The following MAGI1 variants were observed in gnomAD, a reference collection of about 807,000 sequenced individuals.
MAGI1 encodes membrane associated guanylate kinase, WW and PDZ domain containing 1.
Under a neutral mutation model 139.9 loss-of-function variants are expected in MAGI1, and 58 were observed. The observed-to-expected ratio is 0.41, with a 90% CI of 0.34 to 0.52. MAGI1 has a LOEUF of 0.52. Ranked by LOEUF, MAGI1 falls within the 20% of genes least tolerant of loss-of-function variation. MAGI1 has a pLI of 0.12. For synonymous variants in MAGI1, 812 were observed against 737.9 expected, an observed-to-expected ratio of 1.10 and a Z score of -1.63; for missense variants, 1,874 against 1,901.6, an observed-to-expected ratio of 0.99 and a Z score of 0.27.
intron 1 of MAGI1, among the ~76,000 whole-genome samples, chr3:65,985,600 C>T (rs1258595490): frequency 6.6e-6 from 1 of 152,150 alleles, no homozygotes; most frequent in East Asian, 1.9e-4. Context: ...GGAAATCTCT[C>T]GTCTTTTTTT....
At chr3:65,369,872 T>C (rs1028654067) in intron 18 of MAGI1, among the ~76,000 whole-genome samples, 2 of 152,258 alleles carry the variant, frequency 1.3e-5, no homozygotes, top group East Asian at 1.9e-4. Flanking sequence ...AGTCTCCTTG[T>C]AGATATCATG....
chr3:65,793,068 T>C (rs1473292571), intron 1 of MAGI1, among the ~76,000 whole-genome samples: 2 of 152,160 alleles, frequency 1.3e-5, no homozygotes, highest in Non-Finnish European at 2.9e-5. Context: ...ACCAGCTAAG[T>C]TGAATGTATT....
chr3:66,008,466 C>T (rs933650207), intron 1 of MAGI1, among the ~76,000 whole-genome samples: 1 of 152,210 alleles, frequency 6.6e-6, no homozygotes, highest in Non-Finnish European at 1.5e-5. Context: ...CTGGCAGGCA[C>T]AGCAATGCCC....
Position 65,793,004 on chromosome 3 carries a change from GGAAA to G in MAGI1, c.314-170920_314-170917del, listed in dbSNP as rs1253309650. ...TAGGAGAAATAGGGCATTTGAGTTT[GGAAA>G]ACTGGTTACTCATAAGGCTGAATTC... is the stretch of plus-strand genomic sequence containing the variant. On this transcript the variant is annotated intron_variant, in intron 1 of 22. Transcript: ENST00000402939. 1.9e-3 allele frequency among the ~76,000 whole-genome samples: 286 copies of G among 152,200 alleles called. 1 individual carries two copies. The highest frequency in any genetic ancestry group is 4.9e-3 in the Admixed American group (75 of 15,290).
At chr3:65,683,224 A>T (rs2087719682) in intron 1 of MAGI1, among the ~76,000 whole-genome samples, 1 of 151,942 alleles carries the variant, frequency 6.6e-6, no homozygotes, top group Non-Finnish European at 1.5e-5. Context: ...GTCATTATAA[A>T]TTTATCTAAA....
Position 65,826,321 on chromosome 3 carries a change from G to A in MAGI1, c.314-204233C>T, listed in dbSNP as rs1458909797. Among the ~76,000 whole-genome samples, 4 of 152,124 alleles carry A rather than the reference G, an allele frequency of 2.6e-5. No individual in the cohort carries two copies. In the East Asian group the frequency reaches 7.7e-4, roughly 29 times the overall value. ...AATCAATATTATTATACTGGCATAA[G>A]CATATGCATTTCAATGCCAGTATTA... On this transcript the variant is annotated intron_variant, in intron 1 of 22. Coordinates refer to ENST00000402939, the MANE Select transcript of MAGI1 (RefSeq NM_001033057.2).
intron 1 of MAGI1, among the ~76,000 whole-genome samples, chr3:65,763,589 T>C (rs264086): frequency 1 from 151,482 of 152,164 alleles, 75,407 homozygotes; most frequent in Middle Eastern, 1. Flanking sequence ...AAAAAAATAA[T>C]GTTCCCAAGT....
intron 1 of MAGI1, among the ~76,000 whole-genome samples, chr3:65,839,099 T>C (rs1302964932): frequency 1.3e-5 from 2 of 152,240 alleles, no homozygotes; most frequent in South Asian, 2.1e-4. Context: ...ATGAGTCCTT[T>C]ATTAAGTCAT....
chr3:65,674,084 A>G, intron 1 of MAGI1, among the ~76,000 whole-genome samples: 1 of 152,228 alleles, frequency 6.6e-6, no homozygotes, highest in African/African-American at 2.4e-5. Flanking sequence ...AAAAATACTA[A>G]TAATTTAAGC....
rs749153064 is a variant in MAGI1 at position 65,357,059 on chromosome 3, G to A, written c.3708C>T (p.Arg1236=). The A allele has an allele frequency of 1.5e-4, 248 of 1,614,070 alleles. No homozygotes were observed. Among genetic ancestry groups the A allele is most frequent in the Non-Finnish European group, 2.0e-4 (231 of 1,180,044 alleles). ...TGGACTCCAATGACGGATGCTGCCG[G>A]CGGTCGGGCCCGGCCCTCACTTCCG... is the stretch of plus-strand genomic sequence containing the variant. The part of the protein sequence containing the change: ...GVPEVRAGPD[R]RQHPSLESSY... Residue 1236 remains arginine (R), a synonymous_variant, in exon 23 of 23, where the codon CGC becomes CGT. Coordinates refer to ENST00000402939, the MANE Select transcript of MAGI1 (RefSeq NM_001033057.2).
At chr3:65,810,279 G>C (rs917325483) in intron 1 of MAGI1, among the ~76,000 whole-genome samples, 3 of 152,240 alleles carry the variant, frequency 2.0e-5, no homozygotes, top group African/African-American at 7.2e-5. Flanking sequence ...ATGCCACAGA[G>C]AGAGGCTGCC....
chr3:65,799,774 A>T (rs2040399095), intron 1 of MAGI1, among the ~76,000 whole-genome samples: 1 of 152,192 alleles, frequency 6.6e-6, no homozygotes, highest in East Asian at 1.9e-4. Flanking sequence ...TGTGTTTTTT[A>T]AAAAATATTT....
chr3:65,439,989 T>C lies in MAGI1; in HGVS notation c.1160A>G (p.Tyr387Cys). The C allele has an allele frequency of 1.9e-6, 3 of 1,614,106 alleles. No homozygotes were observed. The highest frequency in any genetic ancestry group is 2.5e-6 in the Non-Finnish European group (3 of 1,179,990). ...YVDHINRKTQ[Y>C]ENPVLEAKRK... ...TTTGGCTTCTAGAACCGGGTTCTCATATTGTGTCTTCCTGTTGATGTGGCT... is the reference window on the plus strand; with the variant it reads ...TTTGGCTTCTAGAACCGGGTTCTCACATTGTGTCTTCCTGTTGATGTGGCT... The change falls in exon 9 of 23, where the codon TAT becomes TGT. Residue 387 changes from tyrosine (Y) to cysteine (C), a missense_variant. Physicochemically the swap from Tyr to Cys is radical, Grantham distance 194 (BLOSUM62 -2). Transcript: ENST00000402939.
intron 9 of MAGI1, among the ~76,000 whole-genome samples, chr3:65,438,930 T>A (rs2107404237): frequency 6.6e-6 from 1 of 152,346 alleles, no homozygotes; most frequent in Middle Eastern, 3.4e-3. Context: ...ATCTTTATTA[T>A]CTGGCTGTTT....
intron 2 of MAGI1, among the ~76,000 whole-genome samples, chr3:65,620,298 A>G (rs895175188): frequency 2.0e-5 from 3 of 152,188 alleles, no homozygotes. Context: ...CACCTATGAA[A>G]ACAGCCCTAG....
At chr3:65,559,576 T>A (rs1488697158) in intron 2 of MAGI1, among the ~76,000 whole-genome samples, 1 of 152,250 alleles carries the variant, frequency 6.6e-6, no homozygotes, top group Non-Finnish European at 1.5e-5. Context: ...GCTTACTGTG[T>A]GCCAGGGGCT....
intron 1 of MAGI1, among the ~76,000 whole-genome samples, chr3:65,623,012 G>A (rs1278474440): frequency 6.6e-6 from 1 of 152,156 alleles, no homozygotes; most frequent in Non-Finnish European, 1.5e-5. Context: ...GAGAAAATGT[G>A]TGGAACTGTG....
chr3:65,636,683 T>C (rs1045920687), intron 1 of MAGI1, among the ~76,000 whole-genome samples: 2 of 150,872 alleles, frequency 1.3e-5, no homozygotes, highest in African/African-American at 4.9e-5. Context: ...TTTTAAACTA[T>C]GTTTATAAGG....
chr3:65,909,742 C>T (rs1465876218), intron 1 of MAGI1, among the ~76,000 whole-genome samples: 1 of 152,112 alleles, frequency 6.6e-6, no homozygotes, highest in Non-Finnish European at 1.5e-5. Context: ...AAATTAGCTG[C>T]TGCCCGCTTT....
Sources: gnomAD v4.1 joint callset for allele counts (sites outside exome capture counted in the v4.1 genomes callset) on GRCh38, gnomAD v4.1.1 for gene constraint, MANE v1.5 for transcripts, NCBI Gene and HGNC (gene_info 2026-07-23, HGNC 2026-07-21) for gene names.